The following PLAC1 variants were observed in gnomAD, a reference collection of about 807,000 sequenced individuals.
The protein encoded by PLAC1 is placenta associated 1, also known as placenta-specific protein 1.
For missense variants in PLAC1, 136 were observed against 163.2 expected (o/e 0.83, Z 0.91); for synonymous variants, 68 against 62.1 (o/e 1.09, Z -0.44).
chrX:134,639,491 C>T (rs757784522), intron 1 of PLAC1, among the ~76,000 whole-genome samples: 1 of 111,466 alleles, frequency 9.0e-6, no homozygotes, highest in Admixed American at 9.5e-5. Flanking sequence ...CCACTCTACA[C>T]CCAGCTAGTC....
intron 2 of PLAC1, among the ~76,000 whole-genome samples, chrX:134,705,617 G>A (rs770679266): frequency 9.0e-6 from 1 of 111,149 alleles, no homozygotes; most frequent in Non-Finnish European, 1.9e-5. Context: ...CTAGGAGCGT[G>A]AGCAGTGTGT....
chrX:134,726,550 C>T (rs888671125), intron 2 of PLAC1, among the ~76,000 whole-genome samples: 2 of 111,717 alleles, frequency 1.8e-5, no homozygotes, highest in African/African-American at 3.3e-5. Context: ...CCTGGCCGGG[C>T]GCTGTGGCTC....
chrX:134,689,416 T>C (rs1264535140), intron 2 of PLAC1, among the ~76,000 whole-genome samples: 1 of 111,867 alleles, frequency 8.9e-6, no homozygotes, highest in Non-Finnish European at 1.9e-5. Context: ...TTTTTGCTGA[T>C]AGAGTTTTGT....
rs2077878155 is a variant in PLAC1, at chrX:134,566,691, CCAAT to C, written c.-13_-10del. On this transcript the variant is annotated 5_prime_UTR_variant, in exon 3 of 3. Transcript: ENST00000359237. ...AACTTAAAAACTTTCATCCCTGCAG[CCAAT>C]CAGATAATGAACCACAGGAAACAGG... is the stretch of plus-strand genomic sequence containing the variant. The C allele has an allele frequency of 8.5e-7, 1 of 1,169,642 alleles. No individual in the cohort carries two copies. Among genetic ancestry groups the C allele is most frequent in the African/African-American group, 1.8e-5 (1 of 56,502 alleles).
chrX:134,567,822 G>A (rs2077885770), intron 2 of PLAC1, among the ~76,000 whole-genome samples: 1 of 103,960 alleles, frequency 9.6e-6, no homozygotes, highest in Non-Finnish European at 2.0e-5. Flanking sequence ...GAGGGAGGGA[G>A]GGAGGGAGGG....
rs200498313 is a variant in PLAC1, at chrX:134,685,449, C to CTTT, written n.174+47983_174+47985dup. ...CAGCAGGCTGGACAAAATGGCGTCC[C>CTTT]TTTTTTTTTTTTTTTTTTTTTTTTT... On this transcript the variant is annotated intron_variant and non_coding_transcript_variant, in intron 2 of 2. Transcript: ENST00000466797. 2.7e-3 allele frequency among the ~76,000 whole-genome samples: 132 copies of CTTT among 49,148 alleles called. 1 individual carries two copies. The highest frequency in any genetic ancestry group is 7.7e-3 in the Admixed American group (24 of 3,103). 42.7% of individuals were successfully genotyped at this position (49,148 alleles called of 115,157 possible).
chrX:134,698,663 A>G (rs2078572893), intron 2 of PLAC1, among the ~76,000 whole-genome samples: 1 of 110,817 alleles, frequency 9.0e-6, no homozygotes, highest in Non-Finnish European at 1.9e-5. Context: ...TTCTAGTGTC[A>G]TTACACCCTA....
upstream of PLAC1, among the ~76,000 whole-genome samples, chrX:134,661,772 TTC>T (rs778635430): frequency 8.9e-6 from 1 of 112,137 alleles, no homozygotes; most frequent in African/African-American, 3.2e-5. Context: ...TGAGTGAAGA[TTC>T]TCTTTTTACC....
chrX:134,720,921 G>A (rs1348480516), intron 2 of PLAC1, among the ~76,000 whole-genome samples: 3 of 112,583 alleles, frequency 2.7e-5, no homozygotes, highest in Non-Finnish European at 5.6e-5. Context: ...GCATCTCGAA[G>A]TGTTAGGATT....
intron 2 of PLAC1, among the ~76,000 whole-genome samples, chrX:134,574,071 GTC>G (rs757647872): frequency 1.0e-4 from 10 of 99,709 alleles, no homozygotes; most frequent in African/African-American, 2.5e-4. Flanking sequence ...CTCTCTCTCT[GTC>G]TCTCTCTCTC....
chrX:134,753,574 A>G (rs910460913), intron 1 of PLAC1, among the ~76,000 whole-genome samples: 2 of 110,197 alleles, frequency 1.8e-5, no homozygotes, highest in African/African-American at 6.6e-5. Context: ...AACTAATCTT[A>G]GGCTGTTTAA....
At chrX:134,687,815 C>CATATATATATAT (rs56675396) in intron 2 of PLAC1, among the ~76,000 whole-genome samples, 1 of 31,156 alleles carries the variant, frequency 3.2e-5, no homozygotes, top group Non-Finnish European at 5.0e-5. Context: ...ACTGAGATAA[C>CATATATATATAT]ATATATATAT....
chrX:134,654,786 G>A (rs1337472190), intron 1 of PLAC1, among the ~76,000 whole-genome samples: 1 of 112,338 alleles, frequency 8.9e-6, no homozygotes, highest in Non-Finnish European at 1.9e-5. Context: ...CTTAGCTGAC[G>A]TCTGTGGGGC....
intron 1 of PLAC1, among the ~76,000 whole-genome samples, chrX:134,615,362 T>C (rs1239522440): frequency 1.7e-4 from 19 of 112,542 alleles, no homozygotes; most frequent in African/African-American, 5.5e-4. Context: ...ACTTGTTGGC[T>C]ATTTGTATGT....
intron 1 of PLAC1, among the ~76,000 whole-genome samples, chrX:134,752,401 A>G (rs2078746867): frequency 1.8e-5 from 2 of 111,975 alleles, no homozygotes; most frequent in African/African-American, 6.5e-5. Flanking sequence ...TTGGTGTTAC[A>G]TGAAGGAAGT....
rs2077919067 is a variant in PLAC1, at chrX:134,573,249, C to T, written c.-58-6509G>A. On this transcript the variant is annotated intron_variant, in intron 2 of 2. Transcript: ENST00000359237. ...TAAACTTGAACAAAGAGATGTATTT[C>T]ATAATTTCCATGAAGTGTGAGGGAC... Among the ~76,000 whole-genome samples, 3 of 112,337 alleles carry T rather than the reference C, an allele frequency of 2.7e-5. No individual in the cohort carries two copies. In the South Asian group the frequency reaches 1.1e-3, roughly 42 times the overall value.
At chrX:134,692,782 C>T (rs778045340) in intron 2 of PLAC1, among the ~76,000 whole-genome samples, 2 of 111,282 alleles carry the variant, frequency 1.8e-5, no homozygotes, top group East Asian at 5.7e-4. Context: ...AGGACCCTAT[C>T]TTTGGAGAAA....
chrX:134,624,820 G>T (rs934250172), intron 1 of PLAC1, among the ~76,000 whole-genome samples: 1 of 111,131 alleles, frequency 9.0e-6, no homozygotes, highest in African/African-American at 3.3e-5. Context: ...CAGAAAAAAG[G>T]TGTCAGCATT....
In PLAC1 at chrX:134,566,346, C is replaced by G. The variant is rs1305334294; in HGVS notation, c.337G>C (p.Val113Leu). 1.7e-6 allele frequency: 2 copies of G among 1,211,713 alleles called. No individual in the cohort carries two copies. Among genetic ancestry groups the G allele is most frequent in the Non-Finnish European group, 2.2e-6 (2 of 895,470 alleles). The change falls in exon 3 of 3, where the codon GTG becomes CTG. Residue 113 changes from valine (V) to leucine (L), a missense_variant. By Grantham distance (32) the Val-to-Leu change is conservative (BLOSUM62 1). Coordinates refer to ENST00000359237, the MANE Select transcript of PLAC1 (RefSeq NM_021796.4). The part of the protein sequence containing the change: ...KGTPSKFVIP[V>L]SCAAPQKSPW... ...GACTTTTGGGGGGCAGCACATGACA[C>G]TGGGATCACAAACTTAGATGGCGTG...
Sources: gnomAD v4.1 joint callset for allele counts (sites outside exome capture counted in the v4.1 genomes callset) on GRCh38, gnomAD v4.1.1 for gene constraint, MANE v1.5 for transcripts, NCBI Gene and HGNC (gene_info 2026-07-23, HGNC 2026-07-21) for gene names.